Variants in GPM6B observed in about 807,000 individuals in gnomAD.
The protein encoded by GPM6B is neuronal membrane glycoprotein M6-b.
Under a neutral mutation model 27.2 loss-of-function variants are expected in GPM6B, and 4 were observed. That is an observed-to-expected ratio of 0.15 (90% CI 0.07 to 0.34). GPM6B has a LOEUF of 0.34. Ranked by LOEUF, GPM6B falls within the 10% of genes least tolerant of loss-of-function variation. The probability of loss-of-function intolerance (pLI) is 1.00; values close to 1 mark genes in which losing one functional copy is unlikely to be tolerated. For synonymous variants in GPM6B, 124 were observed against 103.1 expected, an observed-to-expected ratio of 1.20 and a Z score of -1.23; for missense variants, 183 against 261.9, an observed-to-expected ratio of 0.70 and a Z score of 2.08.
chrX:13,855,454 T>C (rs778347752), intron 1 of GPM6B, among the ~76,000 whole-genome samples: 144 of 112,380 alleles, frequency 1.3e-3, no homozygotes, highest in Middle Eastern at 4.6e-3. Flanking sequence ...TGTTGCTGTA[T>C]GGTACAGTTC....
At chrX:13,855,859 T>C (rs750652083) in intron 1 of GPM6B, among the ~76,000 whole-genome samples, 62 of 111,758 alleles carry the variant, frequency 5.5e-4, no homozygotes, top group Non-Finnish European at 8.7e-4. Context: ...GCAGTGAACA[T>C]GGCCAAGCCA....
chrX:13,812,764 A>G (rs2049161531), intron 1 of GPM6B: 1 of 111,435 alleles, frequency 9.0e-6, no homozygotes, highest in Non-Finnish European at 1.9e-5. Context: ...GGGAAGGCAA[A>G]TCTAAATTTC....
intron 1 of GPM6B, among the ~76,000 whole-genome samples, chrX:13,856,532 A>C (rs2147247011): frequency 8.9e-6 from 1 of 111,815 alleles, no homozygotes; most frequent in East Asian, 2.8e-4. Flanking sequence ...GCTATTTTTA[A>C]ATCTTCAGAA....
At chrX:13,805,984 T>C (rs1603026338) in intron 2 of GPM6B, among the ~76,000 whole-genome samples, 1 of 111,108 alleles carries the variant, frequency 9.0e-6, no homozygotes, top group East Asian at 2.8e-4. Flanking sequence ...TCATGGTTTT[T>C]TTTGCTGCTT....
intron 1 of GPM6B, among the ~76,000 whole-genome samples, chrX:13,849,355 G>T (rs1306202578): frequency 8.9e-6 from 1 of 112,296 alleles, no homozygotes; most frequent in Non-Finnish European, 1.9e-5. Context: ...AACTCTTACG[G>T]CACCAACACC....
intron 1 of GPM6B, among the ~76,000 whole-genome samples, chrX:13,827,711 A>C (rs1412698414): frequency 8.9e-6 from 1 of 112,382 alleles, no homozygotes; most frequent in Non-Finnish European, 1.9e-5. Flanking sequence ...ATTGAAGGTT[A>C]AATCACAGGA....
At chrX:13,794,324 AC>A in intron 2 of GPM6B, among the ~76,000 whole-genome samples, 1 of 111,146 alleles carries the variant, frequency 9.0e-6, no homozygotes, top group South Asian at 3.9e-4. Context: ...AGCTGGGACT[AC>A]AGGAAAACTT....
intron 1 of GPM6B, among the ~76,000 whole-genome samples, chrX:13,845,790 G>A (rs187584457): frequency 8.9e-6 from 1 of 112,172 alleles, no homozygotes; most frequent in Admixed American, 9.4e-5. Flanking sequence ...CAGCAACGTT[G>A]CAAGAAAGCT....
intron 2 of GPM6B, among the ~76,000 whole-genome samples, chrX:13,788,693 G>C (rs918844195): frequency 9.1e-6 from 1 of 109,798 alleles, no homozygotes; most frequent in Non-Finnish European, 1.9e-5. Context: ...CACTTCAAAC[G>C]GTCTTTCATC....
chrX:13,937,285 C>A (rs1481974144), intron 1 of GPM6B, among the ~76,000 whole-genome samples: 1 of 111,762 alleles, frequency 8.9e-6, no homozygotes, highest in Non-Finnish European at 1.9e-5. Flanking sequence ...AAAATGTAAA[C>A]CAGAAAATTA....
chrX:13,833,566 A>AAAAC (rs1402765657), intron 1 of GPM6B, among the ~76,000 whole-genome samples: 4 of 107,056 alleles, frequency 3.7e-5, no homozygotes, highest in South Asian at 4.2e-4. Context: ...AAAAAAAAAA[A>AAAAC]AAACTAGAAA....
intron 1 of GPM6B, among the ~76,000 whole-genome samples, chrX:13,828,232 G>A (rs1401673177): frequency 8.9e-6 from 1 of 111,965 alleles, no homozygotes; most frequent in Non-Finnish European, 1.9e-5. Context: ...TGAAAGGTGA[G>A]TCCTTTAAGA....
intron 1 of GPM6B, among the ~76,000 whole-genome samples, chrX:13,837,460 C>T (rs147590974): frequency 0.013 from 1,414 of 111,231 alleles, 18 homozygotes; most frequent in African/African-American, 0.044. Flanking sequence ...CACTCAACTC[C>T]AGGCAGCCCG....
At position 13,771,170 on chromosome X, in the gene GPM6B, T is replaced by TTAGAC. The variant is rs769523017; in HGVS notation, c.*1706_*1710dup. 16 of 112,176 alleles carry TTAGAC rather than the reference T, an allele frequency of 1.4e-4. No homozygotes were observed. The South Asian group carries it at 3.0e-3, about 21-fold the overall frequency. The allele number at this position is 112,176 out of a possible 1,213,427, so 9.2% of individuals were successfully genotyped here. A position where few individuals can be genotyped will look rare whatever the true frequency, so the allele number is the denominator to read the frequency against. On this transcript the variant is annotated 3_prime_UTR_variant, in exon 8 of 8. Coordinates refer to ENST00000316715, the MANE Select transcript of GPM6B (RefSeq NM_001001995.3). ...TTTAATGCTCTTTACATAAAAAATA[T>TTAGAC]TAGACTACTTAAACAAAACTTTCAA...
chrX:13,774,391 G>A (rs762963704), intron 7 of GPM6B: 6 of 1,067,765 alleles, frequency 5.6e-6, no homozygotes, highest in Non-Finnish European at 7.3e-6. Flanking sequence ...TGTACAGTAA[G>A]TCATCTTATT....
At chrX:13,790,702 A>AT (rs1246732462) in intron 2 of GPM6B, among the ~76,000 whole-genome samples, 1 of 112,247 alleles carries the variant, frequency 8.9e-6, no homozygotes, top group African/African-American at 3.2e-5. Context: ...GAAAAACAAA[A>AT]TGTTCCAAGT....
intron 2 of GPM6B, among the ~76,000 whole-genome samples, chrX:13,794,604 G>A (rs1057458548): frequency 4.5e-5 from 5 of 111,947 alleles, no homozygotes; most frequent in Non-Finnish European, 9.4e-5. Flanking sequence ...TAAAACTGCT[G>A]ATGCCTGAGC....
upstream of GPM6B, chrX:13,817,145 C>G: frequency 1.1e-6 from 1 of 938,074 alleles, no homozygotes; most frequent in African/African-American, 2.1e-5. Flanking sequence ...CATACGTCAC[C>G]GAGGATCCCA....
At chrX:13,933,934 A>T (rs768165455) in intron 1 of GPM6B, among the ~76,000 whole-genome samples, 1 of 111,870 alleles carries the variant, frequency 8.9e-6, no homozygotes, top group South Asian at 3.8e-4. Context: ...ACTCTACAAT[A>T]AAATATCAGC....
Sources: allele counts gnomAD v4.1 joint callset (sites outside exome capture counted in the v4.1 genomes callset), GRCh38; gene constraint gnomAD v4.1.1; transcripts MANE v1.5; gene names NCBI Gene and HGNC (gene_info 2026-07-23, HGNC 2026-07-21).